The following GALNT18 variants were observed in gnomAD, a reference collection of about 807,000 sequenced individuals.
GALNT18 encodes the protein polypeptide N-acetylgalactosaminyltransferase 18.
In GALNT18, 44 loss-of-function variants were observed where a neutral mutation model predicts 69.5. The observed-to-expected ratio is 0.63, with a 90% CI of 0.50 to 0.81. The LOEUF (loss-of-function observed/expected upper bound fraction) is 0.81. Ranked by LOEUF, GALNT18 falls within the 40% of genes least tolerant of loss-of-function variation. The pLI, the probability that GALNT18 is intolerant of heterozygous loss-of-function variation, is 0.00. For synonymous variants in GALNT18, 364 were observed against 318.2 expected, an observed-to-expected ratio of 1.14 and a Z score of -1.53; for missense variants, 715 against 810.0, an observed-to-expected ratio of 0.88 and a Z score of 1.42.
intron 9 of GALNT18, among the ~76,000 whole-genome samples, chr11:11,305,659 T>G (rs1452549340): frequency 6.6e-6 from 1 of 152,102 alleles, no homozygotes; most frequent in African/African-American, 2.4e-5. Context: ...AGGCTAAAAA[T>G]GCTGCCAACC....
intron 1 of GALNT18, among the ~76,000 whole-genome samples, chr11:11,534,954 A>G (rs1272255547): frequency 6.6e-6 from 1 of 152,230 alleles, no homozygotes. Flanking sequence ...TGGGGACGCC[A>G]TGGGGCAGGG....
intron 6 of GALNT18, among the ~76,000 whole-genome samples, chr11:11,370,418 C>T (rs1447109191): frequency 1.3e-5 from 2 of 152,198 alleles, no homozygotes; most frequent in African/African-American, 4.8e-5. Flanking sequence ...TGCTGACGAT[C>T]AGTGGTTCCG....
In GALNT18 at chr11:11,617,497, A is replaced by G. The variant is rs1348721989; in HGVS notation, c.235+3862T>C. On this transcript the variant is annotated intron_variant, in intron 1 of 10. Transcript: ENST00000227756. This position sits in a 1 kb window ranked among gnomAD's most constrained non-coding sequence, Gnocchi z 4.7. ...ATGGAAAAAATAGTGCTTCGTTAAC[A>G]AAAAGAAAGTGAACAAAGCAGAATA... is the stretch of plus-strand genomic sequence containing the variant. 6.6e-6 allele frequency among the ~76,000 whole-genome samples: 1 copy of G among 152,248 alleles called. No homozygotes were observed. Among genetic ancestry groups the G allele is most frequent in the Non-Finnish European group, 1.5e-5 (1 of 68,034 alleles).
In GALNT18 at chr11:11,497,866, G is replaced by A. The variant is rs1337572163; in HGVS notation, c.236-48930C>T. 1.3e-5 allele frequency among the ~76,000 whole-genome samples: 2 copies of A among 151,852 alleles called. No homozygotes were observed. Among genetic ancestry groups the A allele is most frequent in the East Asian group, 3.9e-4 (2 of 5,194 alleles). ...TAAGGCCAAGGCTTCTATTTGAGCT[G>A]TGTCTCCAGATTGGAGTTCTACATC... On this transcript the variant is annotated intron_variant, in intron 1 of 10. Transcript: ENST00000227756. The surrounding 1 kb of genome is among the most constrained non-coding windows in gnomAD (Gnocchi z 4.2).
rs1849728892 is a variant in GALNT18, at chr11:11,315,053, T to C, written c.1512+12033A>G. ...TACTAATTATATGTGTGTGTGTGTG[T>C]GTGTGTGTGTATGTGTGTATATATG... On this transcript the variant is annotated intron_variant, in intron 9 of 10. Transcript: ENST00000227756. The surrounding 1 kb of genome is among the most constrained non-coding windows in gnomAD (Gnocchi z 5.6). Among the ~76,000 whole-genome samples the C allele has an allele frequency of 6.6e-6, 1 of 151,926 alleles. No homozygotes were observed. The highest frequency in any genetic ancestry group is 2.4e-5 in the African/African-American group (1 of 41,346).
At chr11:11,539,154 G>T (rs1423305860) in intron 1 of GALNT18, among the ~76,000 whole-genome samples, 2 of 152,208 alleles carry the variant, frequency 1.3e-5, no homozygotes, top group Non-Finnish European at 2.9e-5. Flanking sequence ...CGCATCTGGG[G>T]CACAGGGCTC....
intron 1 of GALNT18, among the ~76,000 whole-genome samples, chr11:11,588,756 T>C (rs567614298): frequency 5.9e-5 from 9 of 152,336 alleles, no homozygotes; most frequent in Non-Finnish European, 1.3e-4. Flanking sequence ...CTGCATTTAT[T>C]GAGAGTGACT....
intron 1 of GALNT18, among the ~76,000 whole-genome samples, chr11:11,456,697 C>G (rs1203507292): frequency 1.3e-5 from 2 of 152,194 alleles, no homozygotes; most frequent in East Asian, 3.9e-4. Context: ...CCTAGGTGGG[C>G]CCCTGTGAAT....
chr11:11,391,958 C>T (rs1026579599), intron 3 of GALNT18, among the ~76,000 whole-genome samples: 5 of 152,202 alleles, frequency 3.3e-5, no homozygotes, highest in Non-Finnish European at 4.4e-5. Context: ...GCGTGTGTTT[C>T]GTTTTCATAA....
chr11:11,373,241 G>A (rs1036710815), intron 5 of GALNT18, among the ~76,000 whole-genome samples: 10 of 152,160 alleles, frequency 6.6e-5, no homozygotes, highest in Non-Finnish European at 1.3e-4. Context: ...TGGGAATTGA[G>A]GGGCCCAGCT....
At chr11:11,471,112 C>G (rs977619991) in intron 1 of GALNT18, among the ~76,000 whole-genome samples, 2 of 152,168 alleles carry the variant, frequency 1.3e-5, no homozygotes, top group Non-Finnish European at 2.9e-5. Flanking sequence ...CCTAGCCTCT[C>G]ATTTCCCCCA....
At chr11:11,521,986 G>T (rs939641732) in intron 1 of GALNT18, among the ~76,000 whole-genome samples, 4 of 152,154 alleles carry the variant, frequency 2.6e-5, no homozygotes, top group African/African-American at 9.7e-5. Context: ...CTTTCCTGAG[G>T]CCCAAGAAAA....
chr11:11,618,328 C>T lies in GALNT18; in HGVS notation c.235+3031G>A, dbSNP rs376162955. Among the ~76,000 whole-genome samples, 11 of 152,368 alleles carry T rather than the reference C, an allele frequency of 7.2e-5. No individual in the cohort carries two copies. In the South Asian group the frequency reaches 2.3e-3, roughly 32 times the overall value. Reference sequence around the variant, plus strand: ...CAACGTGGCCATAGGCATCAGCACTCATCCATTCATCCACGCTTCCACCCC... The same window carrying T: ...CAACGTGGCCATAGGCATCAGCACTTATCCATTCATCCACGCTTCCACCCC... On this transcript the variant is annotated intron_variant, in intron 1 of 10. Coordinates refer to ENST00000227756, the MANE Select transcript of GALNT18 (RefSeq NM_198516.3). The surrounding 1 kb of genome is among the most constrained non-coding windows in gnomAD (Gnocchi z 6.1).
chr11:11,363,553 C>G (rs1208551450), intron 6 of GALNT18, among the ~76,000 whole-genome samples: 1 of 152,022 alleles, frequency 6.6e-6, no homozygotes, highest in Non-Finnish European at 1.5e-5. Flanking sequence ...CATTAAGAAC[C>G]AGAAATTTTG....
chr11:11,291,474 CAT>C (rs34900683), intron 10 of GALNT18, among the ~76,000 whole-genome samples: 25,959 of 151,966 alleles, frequency 0.17, 2,863 homozygotes, highest in Non-Finnish European at 0.25. Flanking sequence ...ATGCCTGACA[CAT>C]AGTAAGTACT....
chr11:11,274,278 C>T (rs1171954993), intron 10 of GALNT18, among the ~76,000 whole-genome samples: 2 of 152,072 alleles, frequency 1.3e-5, no homozygotes, highest in Non-Finnish European at 2.9e-5. Flanking sequence ...GAGCTAGCTG[C>T]AGGAGTTTTT....
At chr11:11,495,032 G>A (rs1856843325) in intron 1 of GALNT18, among the ~76,000 whole-genome samples, 1 of 149,416 alleles carries the variant, frequency 6.7e-6, no homozygotes, top group Non-Finnish European at 1.5e-5. Flanking sequence ...GTTGAGGAGT[G>A]TCTCAAAAAA....
At chr11:11,379,493 T>C (rs186324939) in intron 3 of GALNT18, among the ~76,000 whole-genome samples, 16 of 152,322 alleles carry the variant, frequency 1.1e-4, no homozygotes, top group Admixed American at 7.8e-4. Flanking sequence ...GGTCCAGCAA[T>C]GCACAGGGTC....
At chr11:11,397,712 C>T (rs1436358352) in intron 3 of GALNT18, among the ~76,000 whole-genome samples, 2 of 151,048 alleles carry the variant, frequency 1.3e-5, no homozygotes, top group Non-Finnish European at 1.5e-5. Context: ...CTCAAGTGAT[C>T]CACCTGCTTC....
Sources: gnomAD v4.1 joint callset for allele counts (sites outside exome capture counted in the v4.1 genomes callset) on GRCh38, gnomAD v4.1.1 for gene constraint, Gnocchi (gnomAD v3.1) non-coding constraint, MANE v1.5 for transcripts, NCBI Gene and HGNC (gene_info 2026-07-23, HGNC 2026-07-21) for gene names.